The following PRR12 variants were observed in gnomAD, a reference collection of about 807,000 sequenced individuals.
PRR12 encodes the protein proline rich 12.
Under a neutral mutation model 138.0 loss-of-function variants are expected in PRR12, and 12 were observed. The ratio of observed to expected loss-of-function variants is 0.09; its 90% CI spans 0.06 to 0.14. The LOEUF (loss-of-function observed/expected upper bound fraction) is 0.14. PRR12 is among the 10% of genes least tolerant of loss of function. The pLI, the probability that PRR12 is intolerant of heterozygous loss-of-function variation, is 1.00. For synonymous variants in PRR12, 1,567 were observed against 1,291.7 expected, an observed-to-expected ratio of 1.21 and a Z score of -4.57; for missense variants, 2,692 against 2,861.3, an observed-to-expected ratio of 0.94 and a Z score of 1.35.
chr19:49,623,137 G>A (rs902962227), intron 11 of PRR12, among the ~76,000 whole-genome samples: 3 of 151,748 alleles, frequency 2.0e-5, no homozygotes, highest in African/African-American at 7.3e-5. Flanking sequence ...TAGAGTGCTG[G>A]GTGGGTTGGA....
chr19:49,611,192 G>A lies in PRR12; in HGVS notation c.4774-3341G>A, dbSNP rs537665876. 5.4e-4 allele frequency among the ~76,000 whole-genome samples: 82 copies of A among 152,170 alleles called. 1 individual carries two copies. Among genetic ancestry groups the A allele is most frequent in the Non-Finnish European group, 9.6e-4 (65 of 68,004 alleles). Reference sequence around the variant, plus strand: ...ACAAAAATTATCCAGGAGTGGTGGCGCATACCTGTAGTCCCAGCTACTTGG... The same window carrying A: ...ACAAAAATTATCCAGGAGTGGTGGCACATACCTGTAGTCCCAGCTACTTGG... On this transcript the variant is annotated intron_variant, in intron 6 of 13. Coordinates refer to ENST00000418929, the MANE Select transcript of PRR12 (RefSeq NM_020719.3).
chr19:49,613,109 G>A (rs2080874843), intron 6 of PRR12, among the ~76,000 whole-genome samples: 1 of 151,862 alleles, frequency 6.6e-6, no homozygotes, highest in Admixed American at 6.6e-5. Context: ...GGCCGAGGCA[G>A]GTGGATCACC....
intron 4 of PRR12, 51 bp downstream of exon 4, chr19:49,598,064 G>A: frequency 7.9e-7 from 1 of 1,259,728 alleles, no homozygotes; most frequent in Non-Finnish European, 1.0e-6. Flanking sequence ...AGCTGTGTCC[G>A]ATGTTTGAGT....
chr19:49,595,052 C>A lies in PRR12; in HGVS notation c.717C>A (p.Arg239=). 1.9e-6 allele frequency: 3 copies of A among 1,611,016 alleles called. No homozygotes were observed. The highest frequency in any genetic ancestry group is 2.5e-6 in the Non-Finnish European group (3 of 1,179,344). ...PGPPDPPPPP[R]HLPTQFNLLA... ...CCCCAGACCCACCACCACCTCCTCG[C>A]CACCTCCCAACTCAGTTCAACCTGC... Residue 239 remains arginine (R), a synonymous_variant, in exon 4 of 14, where the codon CGC becomes CGA. Transcript: ENST00000418929.
At chr19:49,615,138 AGG>A in intron 8 of PRR12, 129 bp downstream of exon 8, 1 of 1,339,820 alleles carries the variant, frequency 7.5e-7, no homozygotes, top group East Asian at 2.4e-5. Flanking sequence ...CCAGAGAGAG[AGG>A]GGGACAGAGA....
At position 49,614,692 on chromosome 19, in the gene PRR12, G is replaced by T. The variant is rs540584809; in HGVS notation, c.4890+43G>T. 2.0e-6 allele frequency: 3 copies of T among 1,516,118 alleles called. No homozygotes were observed. Among genetic ancestry groups the T allele is most frequent in the Non-Finnish European group, 2.7e-6 (3 of 1,117,734 alleles). The allele number at this position is 1,516,118 out of a possible 1,614,324, so 93.9% of individuals were successfully genotyped here. ...ACCAAGGACTTGGGGGCCCCGGGGC[G>T]TGGTATCTAGGAGCTGGGGTTCCCC... On this transcript the variant is annotated intron_variant, in intron 7 of 13. Transcript: ENST00000418929. This position sits in a 1 kb window ranked among gnomAD's most constrained non-coding sequence, Gnocchi z 5.0.
At chr19:49,605,584 G>A (rs1295233369) in intron 6 of PRR12, among the ~76,000 whole-genome samples, 2 of 152,190 alleles carry the variant, frequency 1.3e-5, no homozygotes, top group Non-Finnish European at 2.9e-5. Flanking sequence ...TCTTATCCCC[G>A]ACTCAGCCAT....
At chr19:49,603,638 C>T (rs151189106) in intron 6 of PRR12, among the ~76,000 whole-genome samples, 121 of 152,070 alleles carry the variant, frequency 8.0e-4, no homozygotes, top group African/African-American at 2.9e-3. Flanking sequence ...GGGGAGGTTG[C>T]AGTGAGCTGA....
At chr19:49,618,112 C>T (rs990374175) in intron 9 of PRR12, among the ~76,000 whole-genome samples, 1 of 152,086 alleles carries the variant, frequency 6.6e-6, no homozygotes, top group African/African-American at 2.4e-5. Context: ...AATGAATGAA[C>T]GAACGAATGA....
intron 6 of PRR12, among the ~76,000 whole-genome samples, chr19:49,607,117 G>GC (rs1311462642): frequency 6.6e-6 from 1 of 151,448 alleles, no homozygotes; most frequent in Non-Finnish European, 1.5e-5. Flanking sequence ...AACATTGTGA[G>GC]CCCCCGCCTT....
intron 1 of PRR12, 97 bp from the exon 2 acceptor site, chr19:49,593,230 G>C (rs1038350386): frequency 1.1e-5 from 6 of 530,530 alleles, no homozygotes; most frequent in South Asian, 8.3e-5. Flanking sequence ...ACCCCGGTCA[G>C]CTGGAAGGGT....
intron 1 of PRR12, 55 bp downstream of exon 1, chr19:49,591,795 G>C (rs537297552): frequency 2.0e-6 from 1 of 507,500 alleles, no homozygotes; most frequent in East Asian, 4.9e-5. Context: ...AGCCCAGCCG[G>C]GCCGGGCCGG....
Position 49,594,377 on chromosome 19 carries a change from T to C in PRR12, c.200-77T>C. On this transcript the variant is annotated intron_variant, in intron 2 of 13. Coordinates refer to ENST00000418929, the MANE Select transcript of PRR12 (RefSeq NM_020719.3). The surrounding 1 kb of genome is among the most constrained non-coding windows in gnomAD (Gnocchi z 5.6). Reference sequence around the variant, plus strand: ...CTCCTTTTCCTGATCCAACTTGCTTTTGGCCTCTTCCCTTTCTCTCTTGAC... The same window carrying C: ...CTCCTTTTCCTGATCCAACTTGCTTCTGGCCTCTTCCCTTTCTCTCTTGAC... 1.4e-6 allele frequency: 2 copies of C among 1,407,770 alleles called. No individual in the cohort carries two copies. The highest frequency in any genetic ancestry group is 2.4e-5 in the East Asian group (1 of 42,498). 87.2% of individuals were successfully genotyped at this position (1,407,770 alleles called of 1,614,324 possible). A position where few individuals can be genotyped will look rare whatever the true frequency, so the allele number is the denominator to read the frequency against.
At position 49,591,608 on chromosome 19, in the gene PRR12, C is replaced by G; in HGVS notation, c.-47C>G. On this transcript the variant is annotated 5_prime_UTR_variant, in exon 1 of 14. Transcript: ENST00000418929. The stretch of plus-strand genomic sequence containing the variant: ...AGGAGAGCGCGCGCGCGCCCCCTCC[C>G]TCCCTCCCTCCCTCCCCCTCCCCCC... The G allele has an allele frequency of 2.3e-6, 1 of 437,290 alleles. No homozygotes were observed. Among genetic ancestry groups the G allele is most frequent in the Non-Finnish European group, 4.3e-6 (1 of 235,204 alleles). The allele number at this position is 437,290 out of a possible 1,614,324, so 27.1% of individuals were successfully genotyped here.
intron 11 of PRR12, 26 bp downstream of exon 11, chr19:49,621,648 G>C (rs1370619094): frequency 1.9e-6 from 3 of 1,542,780 alleles, no homozygotes; most frequent in Non-Finnish European, 2.6e-6. Flanking sequence ...GGCAGGGGGT[G>C]TCTGGGGCCC....
Position 49,597,489 on chromosome 19 carries a change from G to A in PRR12, c.3154G>A (p.Ala1052Thr). 1 of 1,548,522 alleles carries A rather than the reference G, an allele frequency of 6.5e-7. No individual in the cohort carries two copies. Among genetic ancestry groups the A allele is most frequent in the Non-Finnish European group, 8.7e-7 (1 of 1,147,830 alleles). ...PPPPPPPPAP[A>T]SEPKGGLTSP... ...TCCGCCACCGCCGCCTCCCGCGCCG[G>A]CCTCCGAACCCAAGGGTGGCCTCAC... The change falls in exon 4 of 14, where the codon GCC becomes ACC. Residue 1052 changes from alanine to threonine, a missense_variant. Around this residue, in one of 11 missense-constraint regions of PRR12, gnomAD observed 840 missense variants for 689.8 expected, o/e 1.22. Coordinates refer to ENST00000418929, the MANE Select transcript of PRR12 (RefSeq NM_020719.3). This position sits in a 1 kb window ranked among gnomAD's most constrained non-coding sequence, Gnocchi z 6.3.
At chr19:49,601,068 A>C (rs542021999) in intron 5 of PRR12, among the ~76,000 whole-genome samples, 1 of 152,098 alleles carries the variant, frequency 6.6e-6, no homozygotes, top group Non-Finnish European at 1.5e-5. Context: ...GCTGGCAGAC[A>C]GGGGAGAGGT....
Position 49,591,621 on chromosome 19 carries a change from T to TCCCCCTCCCC in PRR12, c.-31_-22dup, listed in dbSNP as rs2080727649. On this transcript the variant is annotated 5_prime_UTR_variant, in exon 1 of 14. Coordinates refer to ENST00000418929, the MANE Select transcript of PRR12 (RefSeq NM_020719.3). Reference sequence around the variant, plus strand: ...CGCGCCCCCTCCCTCCCTCCCTCCCTCCCCCTCCCCCCAATTTCCACCGCG... The same window carrying TCCCCCTCCCC: ...CGCGCCCCCTCCCTCCCTCCCTCCCTCCCCCTCCCCCCCCCTCCCCCCAATTTCCACCGCG... The TCCCCCTCCCC allele has an allele frequency of 4.5e-5, 6 of 132,652 alleles. No homozygotes were observed. The highest frequency in any genetic ancestry group is 1.9e-4 in the South Asian group (2 of 10,386). 8.2% of individuals were successfully genotyped at this position (132,652 alleles called of 1,614,324 possible).
At position 49,616,134 on chromosome 19, in the gene PRR12, G is replaced by A; in HGVS notation, c.5412G>A (p.Glu1804=). The change falls in exon 9 of 14, where the codon GAG becomes GAA. Residue 1804 remains glutamate (E), a synonymous_variant. Transcript: ENST00000418929. This position sits in a 1 kb window ranked among gnomAD's most constrained non-coding sequence, Gnocchi z 4.2. ...PPKKRKKWLK[E]AGGNATAGGG... ...AGAAGAGGAAGAAATGGCTGAAGGAGGCAGGCGGCAACGCTACAGCAGGCG... is the reference window on the plus strand; with the variant it reads ...AGAAGAGGAAGAAATGGCTGAAGGAAGCAGGCGGCAACGCTACAGCAGGCG... The A allele has an allele frequency of 6.4e-7, 1 of 1,567,224 alleles. No individual in the cohort carries two copies. Among genetic ancestry groups the A allele is most frequent in the Non-Finnish European group, 8.6e-7 (1 of 1,156,538 alleles).
Sources: allele counts gnomAD v4.1 joint callset (sites outside exome capture counted in the v4.1 genomes callset), GRCh38; gene constraint gnomAD v4.1.1; regional missense constraint gnomAD v4.1.1; non-coding constraint Gnocchi (gnomAD v3.1); transcripts MANE v1.5; gene names NCBI Gene and HGNC (gene_info 2026-07-23, HGNC 2026-07-21).